Variants in KIF26B observed in about 807,000 individuals in gnomAD.
KIF26B encodes kinesin family member 26B.
Under a neutral mutation model 151.2 loss-of-function variants are expected in KIF26B, and 63 were observed. That is an observed-to-expected ratio of 0.42 (90% confidence interval 0.34 to 0.51). The LOEUF (loss-of-function observed/expected upper bound fraction) is 0.51. Among genes scored for constraint, KIF26B ranks in the 20% least tolerant of loss-of-function variants. The pLI is 0.07. For missense variants in KIF26B, 2,813 were observed against 2,913.6 expected (o/e 0.97, Z 0.79); for synonymous variants, 1,357 against 1,262.1 (o/e 1.08, Z -1.59).
intron 2 of KIF26B, among the ~76,000 whole-genome samples, chr1:245,320,641 C>T (rs2102986828): frequency 6.6e-6 from 1 of 152,212 alleles, no homozygotes; most frequent in Admixed American, 6.5e-5. Flanking sequence ...GGCGGTCAAT[C>T]TAACTGGTTT....
intron 3 of KIF26B, among the ~76,000 whole-genome samples, 183 bp from the exon 4 acceptor site, chr1:245,419,396 A>G (rs1658414471): frequency 1.3e-5 from 2 of 152,202 alleles, no homozygotes; most frequent in African/African-American, 4.8e-5. Flanking sequence ...ACGGGGAAGT[A>G]TCCTAGCTAA....
At chr1:245,619,420 A>C (rs1310894359) in intron 9 of KIF26B, among the ~76,000 whole-genome samples, 1 of 152,242 alleles carries the variant, frequency 6.6e-6, no homozygotes, top group East Asian at 1.9e-4. Context: ...CAACATGGTG[A>C]AACCCCCTCT....
chr1:245,272,567 CTTAG>C (rs1670871953), intron 2 of KIF26B, among the ~76,000 whole-genome samples: 1 of 151,444 alleles, frequency 6.6e-6, no homozygotes, highest in Admixed American at 6.6e-5. Context: ...CTAACTTTGG[CTTAG>C]TTTGTTTTTT....
chr1:245,665,462 A>G (rs2044202157), intron 10 of KIF26B, among the ~76,000 whole-genome samples: 1 of 152,332 alleles, frequency 6.6e-6, no homozygotes, highest in South Asian at 2.1e-4. Flanking sequence ...CCAACTTGAC[A>G]GGCAGCAAAG....
chr1:245,528,328 C>G (rs2103095140), intron 4 of KIF26B, among the ~76,000 whole-genome samples: 1 of 152,276 alleles, frequency 6.6e-6, no homozygotes, highest in South Asian at 2.1e-4. Context: ...CCCAGGTGCA[C>G]GGCGGCTGTC....
chr1:245,542,855 T>C (rs1311115453), intron 5 of KIF26B, among the ~76,000 whole-genome samples: 1 of 152,260 alleles, frequency 6.6e-6, no homozygotes, highest in Non-Finnish European at 1.5e-5. Context: ...GGAGCTGAAC[T>C]GCTCTGGACA....
intron 3 of KIF26B, among the ~76,000 whole-genome samples, chr1:245,402,383 A>G (rs1050932212): frequency 1.3e-5 from 2 of 152,206 alleles, no homozygotes; most frequent in Non-Finnish European, 2.9e-5. Flanking sequence ...CGCTGGATAC[A>G]GAGCCCACGC....
At chr1:245,500,299 ATTGAT>A (rs1406083776) in intron 4 of KIF26B, among the ~76,000 whole-genome samples, 3 of 152,214 alleles carry the variant, frequency 2.0e-5, no homozygotes, top group Non-Finnish European at 4.4e-5. Context: ...TTAGCAAGTG[ATTGAT>A]TTGAAGAAAT....
At chr1:245,479,052 G>A (rs183348864) in intron 4 of KIF26B, among the ~76,000 whole-genome samples, 19 of 151,860 alleles carry the variant, frequency 1.3e-4, no homozygotes, top group Admixed American at 3.9e-4. Context: ...CACCGAGGTG[G>A]AGATGCCTAC....
intron 4 of KIF26B, among the ~76,000 whole-genome samples, chr1:245,474,681 G>A (rs888785990): frequency 1.3e-5 from 2 of 151,792 alleles, no homozygotes; most frequent in African/African-American, 2.4e-5. Flanking sequence ...CCAAAGTGCT[G>A]GGATTACAGA....
intron 4 of KIF26B, among the ~76,000 whole-genome samples, chr1:245,431,423 C>A (rs1364447133): frequency 1.3e-5 from 2 of 151,904 alleles, no homozygotes; most frequent in African/African-American, 4.8e-5. Flanking sequence ...CGGCTCACTG[C>A]AACCTCTGCC....
intron 2 of KIF26B, among the ~76,000 whole-genome samples, chr1:245,349,559 CAAAAA>C (rs58254627): frequency 1.9e-3 from 141 of 75,836 alleles, no homozygotes; most frequent in African/African-American, 4.6e-3. Context: ...AAATAAACTT[CAAAAA>C]AAAAAAAAAA....
At chr1:245,185,919 A>G (rs1341164794) in intron 2 of KIF26B, among the ~76,000 whole-genome samples, 5 of 151,906 alleles carry the variant, frequency 3.3e-5, no homozygotes, top group African/African-American at 1.2e-4. Context: ...CTGTCGCCCA[A>G]GCTGGAGTGC....
rs1210147249 is a variant in KIF26B, at chr1:245,520,611, CCCATCCATCCAT to C, written c.1167-20115_1167-20104del. Reference sequence around the variant, plus strand: ...ATCCATCCATCCATCCACCCACCCACCCATCCATCCATCCATCCATCCATCCATCCATCCATC... The same window carrying C: ...ATCCATCCATCCATCCACCCACCCACCCATCCATCCATCCATCCATCCATC... On this transcript the variant is annotated intron_variant, in intron 4 of 14. Coordinates refer to ENST00000407071, the MANE Select transcript of KIF26B (RefSeq NM_018012.4). Among the ~76,000 whole-genome samples the C allele has an allele frequency of 4.2e-4, 33 of 78,776 alleles. No homozygotes were observed. In the South Asian group the frequency reaches 0.01, roughly 25 times the overall value. 51.7% of individuals were successfully genotyped at this position (78,776 alleles called of 152,430 possible). A position where few individuals can be genotyped will look rare whatever the true frequency, so the allele number is the denominator to read the frequency against.
At chr1:245,694,842 C>A (rs1437470706) in intron 12 of KIF26B, among the ~76,000 whole-genome samples, 1 of 152,230 alleles carries the variant, frequency 6.6e-6, no homozygotes, top group African/African-American at 2.4e-5. Context: ...CAGGTATCAG[C>A]CCAAGTGTTT....
chr1:245,292,567 C>T (rs998881154), intron 2 of KIF26B, among the ~76,000 whole-genome samples: 1 of 152,160 alleles, frequency 6.6e-6, no homozygotes, highest in African/African-American at 2.4e-5. Flanking sequence ...TACTATTTTA[C>T]CTTTTCATTG....
chr1:245,475,435 G>A (rs1660013450), intron 4 of KIF26B, among the ~76,000 whole-genome samples: 1 of 151,868 alleles, frequency 6.6e-6, no homozygotes, highest in Non-Finnish European at 1.5e-5. Flanking sequence ...ATTCTGAGGC[G>A]GGTCCTGGTT....
chr1:245,527,477 G>A (rs1433237813), intron 4 of KIF26B, among the ~76,000 whole-genome samples: 1 of 143,470 alleles, frequency 7.0e-6, no homozygotes, highest in East Asian at 2.1e-4. Flanking sequence ...TGAAAGATAG[G>A]AATAACGTCA....
intron 4 of KIF26B, among the ~76,000 whole-genome samples, chr1:245,442,733 T>G (rs56041571): frequency 0.063 from 7,104 of 113,316 alleles, 29 homozygotes; most frequent in African/African-American, 0.12. Flanking sequence ...CACCTAGAGC[T>G]GTCATCTCCC....
Sources: allele counts gnomAD v4.1 joint callset (sites outside exome capture counted in the v4.1 genomes callset), GRCh38; gene constraint gnomAD v4.1.1; transcripts MANE v1.5; gene names NCBI Gene and HGNC (gene_info 2026-07-23, HGNC 2026-07-21).